Variants in CHUK observed in about 807,000 individuals in gnomAD.
CHUK encodes inhibitor of nuclear factor kappa-B kinase subunit alpha.
In CHUK, 35 loss-of-function variants were observed where a neutral mutation model predicts 104.8. The ratio of observed to expected loss-of-function variants is 0.33; its 90% CI spans 0.26 to 0.44. The LOEUF is 0.44. CHUK is among the 20% of genes least tolerant of loss of function. CHUK has a pLI of 1.00. For synonymous variants in CHUK, 276 were observed against 291.9 expected (o/e 0.95, Z 0.56); for missense variants, 663 against 902.7 (o/e 0.73, Z 3.40).
chr10:100,221,196 G>C (rs761712331), intron 4 of CHUK, among the ~76,000 whole-genome samples: 1 of 152,162 alleles, frequency 6.6e-6, no homozygotes. Flanking sequence ...CAGCACTTTG[G>C]GAGGCCGAGG....
chr10:100,205,439 C>T (rs1453217672), intron 11 of CHUK, among the ~76,000 whole-genome samples: 1 of 152,174 alleles, frequency 6.6e-6, no homozygotes, highest in Non-Finnish European at 1.5e-5. Context: ...ATGACACAAT[C>T]GCTACACTCA....
downstream of CHUK, chr10:100,187,309 G>C (rs953412537): frequency 6.6e-6 from 1 of 152,188 alleles, no homozygotes; most frequent in South Asian, 2.1e-4. Context: ...GAAGTAAGAA[G>C]AGGTAAATAG....
chr10:100,201,612 T>C (rs1845463805), intron 14 of CHUK, among the ~76,000 whole-genome samples: 1 of 152,180 alleles, frequency 6.6e-6, no homozygotes, highest in Non-Finnish European at 1.5e-5. Flanking sequence ...CCCAGCTCTA[T>C]GGGAGGCTGA....
At chr10:100,203,413 CAAATAGAAATAAAATATCAATAATATAT>C (rs1482703447) in intron 13 of CHUK, among the ~76,000 whole-genome samples, 1 of 150,956 alleles carries the variant, frequency 6.6e-6, no homozygotes, top group Non-Finnish European at 1.5e-5. Context: ...CAATAATATA[CAAATAGAAATAAAATATCAATAATATAT>C]AAATAGAAAT....
At chr10:100,201,092 C>G (rs1845450609) in intron 14 of CHUK, among the ~76,000 whole-genome samples, 1 of 152,056 alleles carries the variant, frequency 6.6e-6, no homozygotes, top group Non-Finnish European at 1.5e-5. Context: ...GAAAAAGGAC[C>G]ACCAAAACCA....
chr10:100,196,117 T>A (rs1250840328), intron 16 of CHUK, among the ~76,000 whole-genome samples: 2 of 152,124 alleles, frequency 1.3e-5, no homozygotes, highest in Non-Finnish European at 2.9e-5. Flanking sequence ...AAATATTGAT[T>A]AAAGAAAAAG....
rs764738867 is a variant in CHUK, at chr10:100,222,200, C to A, written c.316-19G>T. 1.3e-6 allele frequency: 2 copies of A among 1,501,232 alleles called. No homozygotes were observed. The highest frequency in any genetic ancestry group is 1.8e-6 in the Non-Finnish European group (2 of 1,083,034). 93.0% of individuals were successfully genotyped at this position (1,501,232 alleles called of 1,614,324 possible). On this transcript the variant is annotated intron_variant, in intron 3 of 20. Transcript: ENST00000370397. ...TGAGCAGCTAAAAAAAGAAAGAAATCTAAAAATCTGTTCTGCAAATTGCTG... is the reference window on the plus strand; with the variant it reads ...TGAGCAGCTAAAAAAAGAAAGAAATATAAAAATCTGTTCTGCAAATTGCTG...
chr10:100,206,241 AT>A (rs201397816), intron 11 of CHUK, among the ~76,000 whole-genome samples: 30 of 150,696 alleles, frequency 2.0e-4, no homozygotes, highest in African/African-American at 4.6e-4. Flanking sequence ...TGTAAAATAG[AT>A]TTTTTTTTAC....
chr10:100,205,647 G>T (rs1845571921), intron 11 of CHUK, among the ~76,000 whole-genome samples: 1 of 152,174 alleles, frequency 6.6e-6, no homozygotes, highest in South Asian at 2.1e-4. Context: ...ACACACAAGA[G>T]CCAGGTGTGA....
intron 2 of CHUK, among the ~76,000 whole-genome samples, chr10:100,223,780 C>A (rs1035083848): frequency 1.3e-5 from 2 of 152,170 alleles, no homozygotes; most frequent in Admixed American, 1.3e-4. Flanking sequence ...TATTTCAAAT[C>A]CACACTTTAC....
intron 10 of CHUK, 121 bp downstream of exon 10, chr10:100,209,474 G>A (rs1305201554): frequency 2.9e-6 from 2 of 700,466 alleles, no homozygotes; most frequent in East Asian, 2.7e-5. Flanking sequence ...GTTGGGAGAA[G>A]GACAAAACCA....
intron 1 of CHUK, among the ~76,000 whole-genome samples, chr10:100,227,798 CACCCCAAATT>C (rs1846138639): frequency 6.6e-6 from 1 of 152,152 alleles, no homozygotes; most frequent in Admixed American, 6.5e-5. Flanking sequence ...CCCTTTCTCC[CACCCCAAATT>C]ACGAGCTTTC....
At chr10:100,212,302 T>A (rs1845747763) in intron 9 of CHUK, among the ~76,000 whole-genome samples, 2 of 152,194 alleles carry the variant, frequency 1.3e-5, no homozygotes, top group Admixed American at 6.5e-5. Flanking sequence ...TCACTAACGC[T>A]TATCTTTTTT....
At chr10:100,192,716 T>C in intron 19 of CHUK, 1 of 987,546 alleles carries the variant, frequency 1.0e-6, no homozygotes, top group African/African-American at 1.7e-5. Context: ...CAGAAATGGA[T>C]AGTCATTCAG....
chr10:100,217,962 C>T (rs61871319), intron 9 of CHUK, 33 bp downstream of exon 9: 154 of 1,591,760 alleles, frequency 9.7e-5, no homozygotes, highest in Non-Finnish European at 1.2e-4. Flanking sequence ...ACTTTCAATG[C>T]TGGTCTTATG....
Position 100,222,176 on chromosome 10 carries a change from G to C in CHUK, c.321C>G (p.Leu107=). ...GTCCACAACAATTTTCTGGTTTGTT[G>C]AGCAGCTAAAAAAAGAAAGAAATCT... ...YCSGGDLRKL[L]NKPENCCGLK... is the part of the protein sequence containing the mutation. Residue 107 remains leucine, a synonymous_variant, in exon 4 of 21, where the codon CTC becomes CTG. Coordinates refer to ENST00000370397, the MANE Select transcript of CHUK (RefSeq NM_001278.5). The C allele has an allele frequency of 6.3e-7, 1 of 1,594,046 alleles. No homozygotes were observed. Among genetic ancestry groups the C allele is most frequent in the East Asian group, 2.2e-5 (1 of 44,678 alleles).
In CHUK at chr10:100,189,595, A is replaced by G; in HGVS notation, c.*3T>C. On this transcript the variant is annotated 3_prime_UTR_variant, in exon 21 of 21. Transcript: ENST00000370397. ...GGTTTGGGGACAGTGAACAAGTGAC[A>G]ACTCATTCTGTTAACCAACTCCAAT... is the stretch of plus-strand genomic sequence containing the variant. 1 of 1,611,314 alleles carries G rather than the reference A, an allele frequency of 6.2e-7. No homozygotes were observed. Among genetic ancestry groups the G allele is most frequent in the Non-Finnish European group, 8.5e-7 (1 of 1,177,466 alleles).
At position 100,209,732 on chromosome 10, in the gene CHUK, C is replaced by A; in HGVS notation, c.991G>T (p.Asp331Tyr). Residue 331 changes from aspartate to tyrosine, a missense_variant, in exon 10 of 21, where the codon GAT becomes TAT. Physicochemically the swap from Asp to Tyr is radical, Grantham distance 160. Coordinates refer to ENST00000370397, the MANE Select transcript of CHUK (RefSeq NM_001278.5). ...AKIISFLLPPDESLHSLQSRI... is the reference protein window; with the variant it reads ...AKIISFLLPPYESLHSLQSRI... The stretch of plus-strand genomic sequence containing the variant: ...GACTGTAGTGAATGAAGACTTTCAT[C>A]AGGTGGTAACAGAAAAGAAATTATC... 1 of 1,553,266 alleles carries A rather than the reference C, an allele frequency of 6.4e-7. No individual in the cohort carries two copies. The highest frequency in any genetic ancestry group is 2.2e-5 in the East Asian group (1 of 44,582).
chr10:100,192,482 C>T, intron 19 of CHUK: 2 of 440,242 alleles, frequency 4.5e-6, no homozygotes, highest in Non-Finnish European at 6.0e-6. Context: ...GCCTTCCTGC[C>T]ATGTGCTTTT....
Sources: allele counts gnomAD v4.1 joint callset (sites outside exome capture counted in the v4.1 genomes callset), GRCh38; gene constraint gnomAD v4.1.1; transcripts MANE v1.5; gene names NCBI Gene and HGNC (gene_info 2026-07-23, HGNC 2026-07-21).